The following ACIN1 variants were observed in gnomAD, a reference collection of about 807,000 sequenced individuals.
ACIN1 encodes apoptotic chromatin condensation inducer in the nucleus.
Under a neutral mutation model 146.6 loss-of-function variants are expected in ACIN1, and 16 were observed. The observed-to-expected ratio is 0.11, with a 90% CI of 0.07 to 0.17. The LOEUF is 0.17. Among genes scored for constraint, ACIN1 ranks in the 10% least tolerant of loss-of-function variants. The pLI is 1.00. For missense variants in ACIN1, 1,357 were observed against 1,609.3 expected (o/e 0.84, Z 2.68); for synonymous variants, 569 against 582.7 (o/e 0.98, Z 0.34).
chr14:23,090,661 T>G (rs1427098628), intron 2 of ACIN1, 28 bp from the exon 3 acceptor site: 2 of 1,573,344 alleles, frequency 1.3e-6, no homozygotes, highest in African/African-American at 2.7e-5. Context: ...AAACAGAGGG[T>G]CTAGGAAAAC....
Position 23,094,981 on chromosome 14 carries a change from G to C in ACIN1, c.132C>G (p.Leu44=). ...SGQKSALVKR[L]KGALMLENLQ... ...AGCAACGCCGACTCCTCACCCCTTT[G>C]AGCCGCTTGACCAGGGCACTCTTCT... The change falls in exon 1 of 19, where the codon CTC becomes CTG. Residue 44 remains leucine (L), a synonymous_variant. Coordinates refer to ENST00000605057, the MANE Select transcript of ACIN1 (RefSeq NM_001386863.1). 6.2e-7 allele frequency: 1 copy of C among 1,600,500 alleles called. No homozygotes were observed. Among genetic ancestry groups the C allele is most frequent in the Non-Finnish European group, 8.5e-7 (1 of 1,177,924 alleles).
intron 10 of ACIN1, among the ~76,000 whole-genome samples, chr14:23,065,133 G>T (rs1211405093): frequency 6.6e-6 from 1 of 152,064 alleles, no homozygotes; most frequent in Non-Finnish European, 1.5e-5. Flanking sequence ...GATCATGATG[G>T]GATCTGGTCT....
chr14:23,079,483 G>A lies in ACIN1; in HGVS notation c.1788+64C>T, dbSNP rs891401398. On this transcript the variant is annotated intron_variant, in intron 6 of 18. Coordinates refer to ENST00000605057, the MANE Select transcript of ACIN1 (RefSeq NM_001386863.1). ...AGAAATCATGACAGGCTCTCCAGGG[G>A]CTGAAATGAAAACCACTGGAATATG... The A allele has an allele frequency of 8.3e-6, 13 of 1,572,082 alleles. No individual in the cohort carries two copies. The East Asian group carries it at 2.7e-4, about 33-fold the overall frequency.
At chr14:23,083,293 C>A (rs1038121181) in intron 4 of ACIN1, among the ~76,000 whole-genome samples, 3 of 151,928 alleles carry the variant, frequency 2.0e-5, no homozygotes, top group Admixed American at 6.6e-5. Context: ...CAGCCTCAGC[C>A]TCCAGGGCTC....
chr14:23,068,351 C>A lies in ACIN1; in HGVS notation c.2265+1125G>T. 1 of 985,966 alleles carries A rather than the reference C, an allele frequency of 1.0e-6. No homozygotes were observed. Among genetic ancestry groups the A allele is most frequent in the Non-Finnish European group, 1.2e-6 (1 of 829,998 alleles). The allele number at this position is 985,966 out of a possible 1,614,324, so 61.1% of individuals were successfully genotyped here. On this transcript the variant is annotated intron_variant, in intron 9 of 18. Transcript: ENST00000605057. The surrounding 1 kb of genome is among the most constrained non-coding windows in gnomAD (Gnocchi z 4.3). ...ATGTGGGCAGGCGCCCCAGCACTGGCACAAGCTCTTCTTGGGGTGTCCCAA... is the reference window on the plus strand; with the variant it reads ...ATGTGGGCAGGCGCCCCAGCACTGGAACAAGCTCTTCTTGGGGTGTCCCAA...
intron 18 of ACIN1, among the ~76,000 whole-genome samples, chr14:23,060,109 C>T (rs1221066015): frequency 2.0e-5 from 3 of 151,972 alleles, no homozygotes; most frequent in Non-Finnish European, 4.4e-5. Flanking sequence ...AGGTGTCTGC[C>T]ACCATGCCCC....
chr14:23,085,589 GGT>G (rs1295059252), intron 4 of ACIN1, among the ~76,000 whole-genome samples: 2 of 152,144 alleles, frequency 1.3e-5, no homozygotes, highest in African/African-American at 4.8e-5. Context: ...AGAAAGTTCT[GGT>G]CATCACTGTT....
chr14:23,063,991 C>A, intron 12 of ACIN1, 114 bp downstream of exon 12: 1 of 1,416,422 alleles, frequency 7.1e-7, no homozygotes, highest in East Asian at 2.3e-5. Context: ...GTCAACCCAA[C>A]CCTCTGCACA....
intron 8 of ACIN1, chr14:23,071,162 C>T: frequency 6.4e-7 from 1 of 1,551,284 alleles, no homozygotes; most frequent in Non-Finnish European, 8.7e-7. Context: ...TTTTTTCTCC[C>T]CCTGGAAGTG....
At position 23,079,568 on chromosome 14, in the gene ACIN1, T is replaced by TGAATGA. The variant is rs748923663; in HGVS notation, c.1766_1767insTCATTC (p.Ser589_Ala590insHisSer). 16 of 1,475,404 alleles carry TGAATGA rather than the reference T, an allele frequency of 1.1e-5. No individual in the cohort carries two copies. The highest frequency in any genetic ancestry group is 2.5e-5 in the East Asian group (1 of 40,628). 91.4% of individuals were successfully genotyped at this position (1,475,404 alleles called of 1,614,324 possible). On this transcript the variant is annotated inframe_insertion, in exon 6 of 19. Coordinates refer to ENST00000605057, the MANE Select transcript of ACIN1 (RefSeq NM_001386863.1). The stretch of plus-strand genomic sequence containing the variant: ...TCACTTTTCTGCTGTTGCTTGATGC[T>TGAATGA]GAACGAGAACGTGAACGTGACCTTG...
chr14:23,070,445 C>T lies in ACIN1; in HGVS notation c.2124-828G>A, dbSNP rs543195101. 7.2e-5 allele frequency among the ~76,000 whole-genome samples: 11 copies of T among 152,194 alleles called. No homozygotes were observed. In the East Asian group the frequency reaches 1.9e-3, roughly 27 times the overall value. ...TCCAAGAGATAAAGAGAGCAGGCCTCCTAGTCAGGACACACCCTCCCCCAC... is the reference window on the plus strand; with the variant it reads ...TCCAAGAGATAAAGAGAGCAGGCCTTCTAGTCAGGACACACCCTCCCCCAC... On this transcript the variant is annotated intron_variant, in intron 8 of 18. Coordinates refer to ENST00000605057, the MANE Select transcript of ACIN1 (RefSeq NM_001386863.1).
rs3077646 is a variant in ACIN1, at chr14:23,079,574, A to AGAACGTGAACGT, written c.1749_1760dup (p.Arg586_Ser589dup). The AGAACGTGAACGT allele has an allele frequency of 2.2e-3, 3,352 of 1,555,990 alleles. 61 individuals are homozygous for AGAACGTGAACGT. In the African/African-American group the frequency reaches 0.037, roughly 17 times the overall value. On this transcript the variant is annotated inframe_insertion, in exon 6 of 19. Transcript: ENST00000605057. ...TTCTGCTGTTGCTTGATGCTGAACG[A>AGAACGTGAACGT]GAACGTGAACGTGACCTTGATCTGG...
chr14:23,085,314 G>A (rs987454608), intron 4 of ACIN1, among the ~76,000 whole-genome samples: 1 of 152,116 alleles, frequency 6.6e-6, no homozygotes, highest in Non-Finnish European at 1.5e-5. Context: ...CAGCCTGGGC[G>A]ACAGAGCGAG....
intron 8 of ACIN1, chr14:23,071,331 G>A (rs373144425): frequency 4.8e-5 from 72 of 1,512,874 alleles, no homozygotes; most frequent in East Asian, 2.7e-4. Flanking sequence ...TGTAGCAACC[G>A]GGGATCCAAA....
In ACIN1 at chr14:23,059,653, C is replaced by CTT. The variant is rs376703295; in HGVS notation, c.3526-181_3526-180dup. Among the ~76,000 whole-genome samples the CTT allele has an allele frequency of 1.0e-4, 14 of 138,622 alleles. No homozygotes were observed. In the East Asian group the frequency reaches 1.3e-3, roughly 12 times the overall value. 90.9% of individuals were successfully genotyped at this position (138,622 alleles called of 152,430 possible). A position where few individuals can be genotyped will look rare whatever the true frequency, so the allele number is the denominator to read the frequency against. ...CACCTCTCTCCCTCCTAGTTTCAGCCTTTTTTTTTTTTTTTCTGAGACGGA... is the reference window on the plus strand; with the variant it reads ...CACCTCTCTCCCTCCTAGTTTCAGCCTTTTTTTTTTTTTTTTTCTGAGACGGA... On this transcript the variant is annotated intron_variant, in intron 18 of 18. Transcript: ENST00000605057.
Position 23,058,989 on chromosome 14 carries a change from G to A in ACIN1, c.*159C>T, listed in dbSNP as rs1208507538. 2 of 663,628 alleles carry A rather than the reference G, an allele frequency of 3.0e-6. No homozygotes were observed. The highest frequency in any genetic ancestry group is 5.6e-5 in the Admixed American group (2 of 35,514). The allele number at this position is 663,628 out of a possible 1,614,324, so 41.1% of individuals were successfully genotyped here. ...GAGATAGGTTAAGGGGGTGTGTTTG[G>A]GGGGAAAAGGATGGCCACTTTTCCA... On this transcript the variant is annotated 3_prime_UTR_variant, in exon 19 of 19. Coordinates refer to ENST00000605057, the MANE Select transcript of ACIN1 (RefSeq NM_001386863.1).
chr14:23,072,856 T>C (rs1212891476), intron 8 of ACIN1, among the ~76,000 whole-genome samples: 2 of 152,260 alleles, frequency 1.3e-5, no homozygotes, highest in African/African-American at 4.8e-5. Flanking sequence ...GGAGTCAGAC[T>C]GGCTAGCCCC....
rs2047521227 is a variant in ACIN1, at chr14:23,068,324, G to T, written c.2265+1152C>A. 1 of 985,816 alleles carries T rather than the reference G, an allele frequency of 1.0e-6. No individual in the cohort carries two copies. Among genetic ancestry groups the T allele is most frequent in the African/African-American group, 1.7e-5 (1 of 57,258 alleles). The allele number at this position is 985,816 out of a possible 1,614,324, so 61.1% of individuals were successfully genotyped here. The stretch of plus-strand genomic sequence containing the variant: ...ACCCACAGTCCTCAAAAGGGCAAGG[G>T]CATGTGGGCAGGCGCCCCAGCACTG... On this transcript the variant is annotated intron_variant, in intron 9 of 18. Coordinates refer to ENST00000605057, the MANE Select transcript of ACIN1 (RefSeq NM_001386863.1). The surrounding 1 kb of genome is among the most constrained non-coding windows in gnomAD (Gnocchi z 4.3).
intron 8 of ACIN1, among the ~76,000 whole-genome samples, chr14:23,072,314 C>T (rs914465303): frequency 6.6e-6 from 1 of 152,038 alleles, no homozygotes; most frequent in African/African-American, 2.4e-5. Context: ...AGGGTCCACT[C>T]GGGCCAGAAA....
Sources: allele counts gnomAD v4.1 joint callset (sites outside exome capture counted in the v4.1 genomes callset), GRCh38; gene constraint gnomAD v4.1.1; non-coding constraint Gnocchi (gnomAD v3.1); transcripts MANE v1.5; gene names NCBI Gene and HGNC (gene_info 2026-07-23, HGNC 2026-07-21).